RDH11: variants seen among roughly 807,000 people sequenced by gnomAD.
RDH11 encodes HCV core-binding protein HCBP12.
A neutral mutation model predicts 33.4 loss-of-function variants in RDH11; 19 were observed. That is an observed-to-expected ratio of 0.57 (90% CI 0.40 to 0.83). The LOEUF is 0.83. RDH11 is among the 40% of genes least tolerant of loss of function. The pLI, the probability that RDH11 is intolerant of heterozygous loss-of-function variation, is 0.00. For synonymous variants in RDH11, 154 were observed against 155.3 expected, an observed-to-expected ratio of 0.99 and a Z score of 0.06; for missense variants, 353 against 389.0, an observed-to-expected ratio of 0.91 and a Z score of 0.78.
At chr14:67,695,546 C>A in intron 1 of RDH11, 84 bp downstream of exon 1, 1 of 1,413,846 alleles carries the variant, frequency 7.1e-7, no homozygotes, top group Non-Finnish European at 9.7e-7. Context: ...GGGAGTTTTC[C>A]AAGAAAGCTT....
chr14:67,680,648 G>A (rs3784087), intron 6 of RDH11, among the ~76,000 whole-genome samples: 68,231 of 151,910 alleles, frequency 0.45, 17,856 homozygotes, highest in Non-Finnish European at 0.61. Flanking sequence ...TTATAGAGAT[G>A]GGGTCTCATT....
chr14:67,685,701 T>C (rs1444534807), intron 5 of RDH11, among the ~76,000 whole-genome samples: 1 of 151,982 alleles, frequency 6.6e-6, no homozygotes, highest in Non-Finnish European at 1.5e-5. Flanking sequence ...CTTCTGCCAC[T>C]GCCTTCCAGG....
At chr14:67,685,348 A>C (rs2037664989) in intron 5 of RDH11, 144 bp from the exon 6 acceptor site, 9 of 623,556 alleles carry the variant, frequency 1.4e-5, no homozygotes, top group Non-Finnish European at 2.5e-5. Context: ...TGCTCACAGT[A>C]ATTTATACTT....
chr14:67,690,023 CAG>C (rs1463508147), intron 5 of RDH11, 187 bp downstream of exon 5: 11 of 572,320 alleles, frequency 1.9e-5, no homozygotes, highest in Admixed American at 1.2e-4. Context: ...GACTCAAAGT[CAG>C]AGTCTCACTG....
chr14:67,685,353 A>T lies in RDH11; in HGVS notation c.665-149T>A, dbSNP rs553393337. The T allele has an allele frequency of 3.7e-5, 23 of 619,970 alleles. No individual in the cohort carries two copies. In the South Asian group the frequency reaches 4.5e-4, roughly 12 times the overall value. The allele number at this position is 619,970 out of a possible 1,614,324, so 38.4% of individuals were successfully genotyped here. On this transcript the variant is annotated intron_variant, in intron 5 of 6. Transcript: ENST00000381346. ...TCAGAAGTACTGCTCACAGTAATTT[A>T]TACTTCCATCTCACAGATCTAAGAA...
chr14:67,686,756 A>G (rs1396931281), intron 5 of RDH11, among the ~76,000 whole-genome samples: 1 of 151,966 alleles, frequency 6.6e-6, no homozygotes. Context: ...ACATACTTCA[A>G]TTTTTTTCTC....
chr14:67,693,413 G>A (rs1051001009), intron 1 of RDH11, among the ~76,000 whole-genome samples: 3 of 152,002 alleles, frequency 2.0e-5, no homozygotes, highest in Non-Finnish European at 4.4e-5. Context: ...AGTTTCTGTA[G>A]GTCAATCTGT....
In RDH11 at chr14:67,677,031, G is replaced by A. The variant is rs377347610; in HGVS notation, c.*1290C>T. ...AGTGCAATAAAAGATTAATTTACAA[G>A]TATCAGAAGTGAAGACTGTGGTCCT... On this transcript the variant is annotated 3_prime_UTR_variant, in exon 7 of 7. Transcript: ENST00000381346. 3.0e-4 allele frequency: 46 copies of A among 152,246 alleles called. 1 individual carries two copies. The highest frequency in any genetic ancestry group is 1.1e-3 in the African/African-American group (45 of 41,536). 9.4% of individuals were successfully genotyped at this position (152,246 alleles called of 1,614,324 possible). A position where few individuals can be genotyped will look rare whatever the true frequency, so the allele number is the denominator to read the frequency against.
At chr14:67,690,157 C>T (rs2037730508) in intron 5 of RDH11, 55 bp downstream of exon 5, 1 of 1,520,408 alleles carries the variant, frequency 6.6e-7, no homozygotes, top group Non-Finnish European at 9.1e-7. Flanking sequence ...ATTCCTGTGG[C>T]TTTTACCTGC....
chr14:67,681,979 A>T (rs138858423), intron 6 of RDH11, among the ~76,000 whole-genome samples: 168 of 152,260 alleles, frequency 1.1e-3, no homozygotes, highest in African/African-American at 3.9e-3. Context: ...TGTCACTATC[A>T]TGGGAGTGGG....
In RDH11 at chr14:67,681,414, A is replaced by C. The variant is rs151112184; in HGVS notation, c.855-2991T>G. 3.2e-3 allele frequency among the ~76,000 whole-genome samples: 483 copies of C among 152,350 alleles called. 5 individuals carry two copies. The highest frequency in any genetic ancestry group is 0.011 in the African/African-American group (461 of 41,580). On this transcript the variant is annotated intron_variant, in intron 6 of 6. Transcript: ENST00000381346. ...TCAATGGGTAGAAAACTGTCTTTTC[A>C]ACAAATGGTGCTAAGGCACTGGATA... is the stretch of plus-strand genomic sequence containing the variant.
At position 67,678,345 on chromosome 14, in the gene RDH11, G is replaced by T. The variant is rs1187309718; in HGVS notation, c.933C>A (p.Asp311Glu). The T allele has an allele frequency of 6.2e-7, 1 of 1,613,808 alleles. No individual in the cohort carries two copies. The highest frequency in any genetic ancestry group is 1.3e-5 in the African/African-American group (1 of 75,024). The change falls in exon 7 of 7, where the codon GAC (aspartate) becomes GAA (glutamate). Residue 311 changes from aspartate to glutamate, a missense_variant. Coordinates refer to ENST00000381346, the MANE Select transcript of RDH11 (RefSeq NM_016026.4). ...GTTAGTCTATTGGGAGGCCCAGCAGGTCACAACTGACGTCCCACAGCCGCC... is the reference window on the plus strand; with the variant it reads ...GTTAGTCTATTGGGAGGCCCAGCAGTTCACAACTGACGTCCCACAGCCGCC... ...IARRLWDVSC[D>E]LLGLPID
At chr14:67,682,034 T>C (rs184504754) in intron 6 of RDH11, among the ~76,000 whole-genome samples, 1 of 152,276 alleles carries the variant, frequency 6.6e-6, no homozygotes, top group African/African-American at 2.4e-5. Context: ...CTCTGCCATA[T>C]TATGACACAG....
In RDH11 at chr14:67,678,123, A is replaced by G; in HGVS notation, c.*198T>C. On this transcript the variant is annotated 3_prime_UTR_variant, in exon 7 of 7. Coordinates refer to ENST00000381346, the MANE Select transcript of RDH11 (RefSeq NM_016026.4). Reference sequence around the variant, plus strand: ...TAGTAACTCTGGCAGTAACAGAAGCAAAGTAAATCTGGACATGACAGACAT... The same window carrying G: ...TAGTAACTCTGGCAGTAACAGAAGCGAAGTAAATCTGGACATGACAGACAT... 1.9e-6 allele frequency: 1 copy of G among 516,538 alleles called. No homozygotes were observed. The highest frequency in any genetic ancestry group is 3.5e-6 in the Non-Finnish European group (1 of 285,422). The allele number at this position is 516,538 out of a possible 1,614,324, so 32.0% of individuals were successfully genotyped here.
intron 3 of RDH11, 43 bp from the exon 4 acceptor site, chr14:67,691,287 G>T: frequency 7.1e-7 from 1 of 1,399,112 alleles, no homozygotes; most frequent in Non-Finnish European, 1.0e-6. Context: ...GCTAGCCAAG[G>T]CTATTACATC....
At chr14:67,681,402 A>C (rs2037613860) in intron 6 of RDH11, among the ~76,000 whole-genome samples, 1 of 152,248 alleles carries the variant, frequency 6.6e-6, no homozygotes, top group Non-Finnish European at 1.5e-5. Flanking sequence ...ATGGGTAGAA[A>C]ACTGTCTTTT....
chr14:67,680,720 A>G (rs1176760521), intron 6 of RDH11, among the ~76,000 whole-genome samples: 1 of 152,196 alleles, frequency 6.6e-6, no homozygotes, highest in Non-Finnish European at 1.5e-5. Flanking sequence ...CAGCCTCCCA[A>G]AGTGCAGGGA....
chr14:67,687,591 C>T (rs1418157620), intron 5 of RDH11, among the ~76,000 whole-genome samples: 2 of 151,308 alleles, frequency 1.3e-5, no homozygotes, highest in Admixed American at 6.6e-5. Flanking sequence ...CCTGCCTCAG[C>T]CTCCTGAGCA....
chr14:67,683,792 A>T (rs2037643702), intron 6 of RDH11, among the ~76,000 whole-genome samples: 1 of 152,126 alleles, frequency 6.6e-6, no homozygotes, highest in Non-Finnish European at 1.5e-5. Context: ...CTTCCCTTTC[A>T]ACCTAGGGGT....
Sources: gnomAD v4.1 joint callset for allele counts (sites outside exome capture counted in the v4.1 genomes callset) on GRCh38, gnomAD v4.1.1 for gene constraint, MANE v1.5 for transcripts, NCBI Gene and HGNC (gene_info 2026-07-23, HGNC 2026-07-21) for gene names.